Variants in TRIM55 observed in about 807,000 individuals in gnomAD.
The protein encoded by TRIM55 is tripartite motif-containing protein 55.
In TRIM55, 50 loss-of-function variants were observed where a neutral mutation model predicts 60.9. The observed-to-expected ratio is 0.82, with a 90% CI of 0.65 to 1.04. The LOEUF (loss-of-function observed/expected upper bound fraction) is 1.04, where lower values mean the gene tolerates loss of function less well. TRIM55 is among the 50% of genes least tolerant of loss of function. The pLI, the probability that TRIM55 is intolerant of heterozygous loss-of-function variation, is 0.00. For synonymous variants in TRIM55, 237 were observed against 238.1 expected, an observed-to-expected ratio of 1.00 and a Z score of 0.04; for missense variants, 681 against 666.9, an observed-to-expected ratio of 1.02 and a Z score of -0.23.
At chr8:66,144,679 C>A (rs1810009467) in intron 4 of TRIM55, among the ~76,000 whole-genome samples, 2 of 152,148 alleles carry the variant, frequency 1.3e-5, no homozygotes, top group Non-Finnish European at 2.9e-5. Context: ...AATTACTGTC[C>A]AGAGAAGAGG....
At chr8:66,151,678 C>A (rs1029106206) in intron 7 of TRIM55, among the ~76,000 whole-genome samples, 1 of 151,846 alleles carries the variant, frequency 6.6e-6, no homozygotes, top group African/African-American at 2.4e-5. Flanking sequence ...CCCATCTCTA[C>A]TAAAAATACA....
intron 2 of TRIM55, among the ~76,000 whole-genome samples, chr8:66,134,612 C>T (rs1203525113): frequency 6.6e-6 from 1 of 152,168 alleles, no homozygotes; most frequent in Non-Finnish European, 1.5e-5. Context: ...GGACCACGTT[C>T]CTGATGGCTC....
At chr8:66,170,504 C>T (rs1350298480) in intron 9 of TRIM55, among the ~76,000 whole-genome samples, 1 of 152,128 alleles carries the variant, frequency 6.6e-6, no homozygotes, top group Non-Finnish European at 1.5e-5. Context: ...ATCTGCTTCT[C>T]CAAGGATGGA....
chr8:66,129,581 GA>G (rs1350569856), intron 2 of TRIM55, among the ~76,000 whole-genome samples: 1 of 152,220 alleles, frequency 6.6e-6, no homozygotes, highest in Non-Finnish European at 1.5e-5. Context: ...ACATATTGCA[GA>G]GATTGCAGCT....
Position 66,127,876 on chromosome 8 carries a change from G to A in TRIM55, c.169-428G>A, listed in dbSNP as rs546704668. ...ACAAACAAAAAAACTTTATAAAGTT[G>A]CATTTACTTTCAAGAAAAACACGTT... On this transcript the variant is annotated intron_variant, in intron 1 of 9. Coordinates refer to ENST00000315962, the MANE Select transcript of TRIM55 (RefSeq NM_184085.2). 4.6e-5 allele frequency among the ~76,000 whole-genome samples: 7 copies of A among 152,266 alleles called. No homozygotes were observed. In the South Asian group the frequency reaches 1.5e-3, roughly 32 times the overall value.
At chr8:66,170,139 G>T (rs548949271) in intron 9 of TRIM55, among the ~76,000 whole-genome samples, 1 of 152,244 alleles carries the variant, frequency 6.6e-6, no homozygotes, top group South Asian at 2.1e-4. Flanking sequence ...TAAGTGCCCA[G>T]TTCTGTAGTG....
intron 4 of TRIM55, among the ~76,000 whole-genome samples, chr8:66,143,277 T>C (rs541553020): frequency 6.6e-6 from 1 of 152,360 alleles, no homozygotes; most frequent in East Asian, 1.9e-4. Context: ...ATTGTGGCCA[T>C]GGCACGTGTG....
At chr8:66,133,658 C>T (rs899051753) in intron 2 of TRIM55, among the ~76,000 whole-genome samples, 2 of 152,204 alleles carry the variant, frequency 1.3e-5, no homozygotes, top group African/African-American at 4.8e-5. Context: ...TCTTACAAGA[C>T]CCAGGGCTTC....
chr8:66,117,144 T>C, the TRIM55 span, among the ~76,000 whole-genome samples: 1 of 152,218 alleles, frequency 6.6e-6, no homozygotes, highest in African/African-American at 2.4e-5. Context: ...AGGGAACTTA[T>C]TCAACCTGAT....
intron 9 of TRIM55, among the ~76,000 whole-genome samples, chr8:66,156,489 T>C (rs1273673793): frequency 1.2e-4 from 18 of 152,136 alleles, no homozygotes; most frequent in Admixed American, 1.1e-3. Flanking sequence ...GTTATGAGGT[T>C]TGCTTGAGGA....
rs1269411959 is a variant in TRIM55 at position 66,149,868 on chromosome 8, T to A, written c.827T>A (p.Val276Glu). 2.5e-6 allele frequency: 4 copies of A among 1,613,368 alleles called. No individual in the cohort carries two copies. Among genetic ancestry groups the A allele is most frequent in the Middle Eastern group, 3.3e-4 (2 of 6,054 alleles). ...IQFMDEPEMAVFLQNAKTLLK... is the reference protein window; with the variant it reads ...IQFMDEPEMAEFLQNAKTLLK... ...TTTATGGATGAGCCAGAAATGGCAGTGTTTCTGCAGGTAAGTCTCTTTTTG... is the reference window on the plus strand; with the variant it reads ...TTTATGGATGAGCCAGAAATGGCAGAGTTTCTGCAGGTAAGTCTCTTTTTG... Residue 276 changes from valine (V) to glutamate (E), a missense_variant, in exon 5 of 10, where the codon GTG becomes GAG. Physicochemically the swap from Val to Glu is moderately radical, Grantham distance 121. Coordinates refer to ENST00000315962, the MANE Select transcript of TRIM55 (RefSeq NM_184085.2).
At chr8:66,155,176 C>A (rs574678236) in intron 9 of TRIM55, among the ~76,000 whole-genome samples, 3 of 152,204 alleles carry the variant, frequency 2.0e-5, no homozygotes, top group Non-Finnish European at 4.4e-5. Context: ...CCTGGGTCAT[C>A]AGGTGATTGA....
At chr8:66,169,353 A>G (rs909136526) in intron 9 of TRIM55, among the ~76,000 whole-genome samples, 2 of 152,176 alleles carry the variant, frequency 1.3e-5, no homozygotes, top group South Asian at 4.1e-4. Context: ...ACTAATCTGC[A>G]CTCAAATGAA....
intron 4 of TRIM55, among the ~76,000 whole-genome samples, chr8:66,140,420 A>G (rs1809739658): frequency 6.6e-6 from 1 of 152,236 alleles, no homozygotes. Context: ...GACTCACATG[A>G]GCATAGTTCT....
chr8:66,137,152 G>A lies in TRIM55; in HGVS notation c.565G>A (p.Val189Met). ...GGGCAGCAACGATCGAGTCCAGGGA[G>A]TGATCAGCCAGCTGGAAGACACCTG... ...LVGSNDRVQGVISQLEDTCKT... is the reference protein window; with the variant it reads ...LVGSNDRVQGMISQLEDTCKT... Residue 189 changes from valine (V) to methionine (M), a missense_variant, in exon 4 of 10, where the codon GTG (valine) becomes ATG (methionine). Transcript: ENST00000315962. 6.2e-7 allele frequency: 1 copy of A among 1,614,200 alleles called. No individual in the cohort carries two copies. The highest frequency in any genetic ancestry group is 8.5e-7 in the Non-Finnish European group (1 of 1,180,034).
In TRIM55 at chr8:66,136,753, A is replaced by G. The variant is rs144452419; in HGVS notation, c.508-342A>G. ...TATTTACTATACACATTTCCCAAGT[A>G]AAATTGACCCTTAGTTCCACTAGGC... On this transcript the variant is annotated intron_variant, in intron 3 of 9. Coordinates refer to ENST00000315962, the MANE Select transcript of TRIM55 (RefSeq NM_184085.2). Among the ~76,000 whole-genome samples the G allele has an allele frequency of 2.6e-3, 398 of 152,358 alleles. 4 individuals are homozygous for G. The highest frequency in any genetic ancestry group is 9.2e-3 in the African/African-American group (384 of 41,588).
At chr8:66,150,729 C>T (rs916810044) in intron 7 of TRIM55, among the ~76,000 whole-genome samples, 7 of 151,946 alleles carry the variant, frequency 4.6e-5, no homozygotes, top group South Asian at 2.1e-4. Flanking sequence ...TGCAATGGCA[C>T]GATCTTGGCT....
chr8:66,151,850 TAATAAATAAATAAATAAATAAATA>T (rs199757226), intron 7 of TRIM55, among the ~76,000 whole-genome samples: 63 of 142,716 alleles, frequency 4.4e-4, no homozygotes, highest in African/African-American at 1.4e-3. Flanking sequence ...TCTCAAAAAA[TAATAAATAAATAAATAAATAAATA>T]AATAAATAAA....
At chr8:66,145,048 A>G in intron 4 of TRIM55, among the ~76,000 whole-genome samples, 1 of 152,184 alleles carries the variant, frequency 6.6e-6, no homozygotes, top group East Asian at 1.9e-4. Flanking sequence ...TTCATGGCAC[A>G]TATCTGTTCC....
Sources: allele counts gnomAD v4.1 joint callset (sites outside exome capture counted in the v4.1 genomes callset), GRCh38; gene constraint gnomAD v4.1.1; transcripts MANE v1.5; gene names NCBI Gene and HGNC (gene_info 2026-07-23, HGNC 2026-07-21).